MIB1: variants seen among roughly 807,000 people sequenced by gnomAD.
MIB1 encodes the protein MIB E3 ubiquitin protein ligase 1, also known as E3 ubiquitin-protein ligase MIB1.
Under a neutral mutation model 124.5 loss-of-function variants are expected in MIB1, and 278 were observed. The observed-to-expected ratio is 2.23, with a 90% CI of 2.02 to 2.47. The LOEUF (loss-of-function observed/expected upper bound fraction) is 2.47. MIB1 is among the 30% of genes most tolerant of loss of function. MIB1 has a pLI of 0.00. For missense variants in MIB1, 957 were observed against 1,254.4 expected, an observed-to-expected ratio of 0.76 and a Z score of 3.58; for synonymous variants, 446 against 429.4, an observed-to-expected ratio of 1.04 and a Z score of -0.48.
intron 1 of MIB1, among the ~76,000 whole-genome samples, chr18:21,747,495 T>C: frequency 6.6e-6 from 1 of 152,234 alleles, no homozygotes; most frequent in South Asian, 2.1e-4. Flanking sequence ...ACTAAGTGAC[T>C]ATTTGTCTAC....
upstream of MIB1, among the ~76,000 whole-genome samples, chr18:21,739,010 G>T (rs1333522389): frequency 6.6e-6 from 1 of 151,510 alleles, no homozygotes; most frequent in African/African-American, 2.4e-5. Context: ...CTGTTTTTTT[G>T]AAAAAGATCA....
chr18:21,768,576 G>A (rs1157924298), intron 2 of MIB1, 47 bp from the exon 3 acceptor site: 2 of 1,329,742 alleles, frequency 1.5e-6, no homozygotes, highest in South Asian at 1.4e-5. Flanking sequence ...GTAAATTATT[G>A]TTACCTATTT....
At chr18:21,779,714 T>C in intron 6 of MIB1, 29 bp downstream of exon 6, 1 of 1,566,518 alleles carries the variant, frequency 6.4e-7, no homozygotes, top group Non-Finnish European at 8.8e-7. Context: ...TTTTTGACAA[T>C]GACAAATAAA....
intron 13 of MIB1, among the ~76,000 whole-genome samples, chr18:21,839,921 A>G (rs2042067122): frequency 6.6e-6 from 1 of 152,178 alleles, no homozygotes; most frequent in Non-Finnish European, 1.5e-5. Flanking sequence ...TGGATGTGGT[A>G]GCACACCCCT....
At chr18:21,725,765 A>AGGAG (rs1303554976) in intron 1 of MIB1, among the ~76,000 whole-genome samples, 1 of 144,846 alleles carries the variant, frequency 6.9e-6, no homozygotes, top group African/African-American at 2.7e-5. Context: ...GAAGGAAGGA[A>AGGAG]GGAGGGAGGG....
chr18:21,770,719 T>A (rs2041215491), intron 3 of MIB1, among the ~76,000 whole-genome samples: 1 of 152,160 alleles, frequency 6.6e-6, no homozygotes, highest in Non-Finnish European at 1.5e-5. Flanking sequence ...ATTTGTTTTT[T>A]TGTTAAGCTC....
At chr18:21,808,705 A>G (rs529473871) in intron 10 of MIB1, among the ~76,000 whole-genome samples, 2 of 152,224 alleles carry the variant, frequency 1.3e-5, no homozygotes, top group East Asian at 3.9e-4. Context: ...TCTTTAACGT[A>G]TAGGTAAAGG....
chr18:21,716,154 A>G (rs2040688937), intron 1 of MIB1, among the ~76,000 whole-genome samples: 1 of 152,254 alleles, frequency 6.6e-6, no homozygotes, highest in Non-Finnish European at 1.5e-5. Flanking sequence ...TATCAGATTA[A>G]CAACAGATTT....
chr18:21,859,613 G>A (rs2042256785), intron 20 of MIB1, among the ~76,000 whole-genome samples: 1 of 151,958 alleles, frequency 6.6e-6, no homozygotes, highest in Non-Finnish European at 1.5e-5. Context: ...AAGGGGCCGG[G>A]CGTGGTGGCT....
rs570135671 is a variant in MIB1 at position 21,780,424 on chromosome 18, C to A, written c.908+739C>A. Among the ~76,000 whole-genome samples, 3 of 152,234 alleles carry A rather than the reference C, an allele frequency of 2.0e-5. No individual in the cohort carries two copies. The South Asian group carries it at 6.2e-4, about 32-fold the overall frequency. ...TTCCCAGCCTCTGGTAACCACCAAT[C>A]AACTTTCTATCTCCATGAGATCCAC... On this transcript the variant is annotated intron_variant, in intron 6 of 20. Transcript: ENST00000261537.
intron 1 of MIB1, among the ~76,000 whole-genome samples, chr18:21,723,160 T>A (rs2040722857): frequency 6.6e-6 from 1 of 152,222 alleles, no homozygotes; most frequent in South Asian, 2.1e-4. Context: ...AAAACTATAT[T>A]ATTTTGTTTT....
intron 12 of MIB1, among the ~76,000 whole-genome samples, chr18:21,835,824 C>CACACACACACAA (rs2042024390): frequency 1.6e-5 from 1 of 63,098 alleles, no homozygotes; most frequent in Non-Finnish European, 3.4e-5. Flanking sequence ...CACACACACA[C>CACACACACACAA]ACACACACAC....
intron 1 of MIB1, among the ~76,000 whole-genome samples, chr18:21,713,075 A>G (rs753328010): frequency 6.6e-6 from 1 of 152,102 alleles, no homozygotes; most frequent in Non-Finnish European, 1.5e-5. Context: ...CTCCCCACTC[A>G]GCCTCCTGAG....
chr18:21,806,633 T>A (rs552154759), intron 10 of MIB1, among the ~76,000 whole-genome samples: 119 of 151,802 alleles, frequency 7.8e-4, no homozygotes, highest in African/African-American at 2.7e-3. Context: ...TTGTTTTTTT[T>A]TTTTTGAGAC....
chr18:21,785,285 C>T (rs545137214), intron 6 of MIB1, among the ~76,000 whole-genome samples: 64 of 152,054 alleles, frequency 4.2e-4, no homozygotes, highest in African/African-American at 1.4e-3. Context: ...TACCGGTCTC[C>T]GCGTCTTGGT....
intron 15 of MIB1, 109 bp downstream of exon 15, chr18:21,844,362 T>A: frequency 1.7e-6 from 2 of 1,160,748 alleles, no homozygotes; most frequent in Admixed American, 2.5e-5. Context: ...TTATCAGAGC[T>A]ATGTACTTAG....
Position 21,857,118 on chromosome 18 carries a change from AC to A in MIB1, c.2666-10del. On this transcript the variant is annotated splice_polypyrimidine_tract_variant and intron_variant, in intron 18 of 20. Transcript: ENST00000261537. ...CTCTCTTGTAAGAAGTGTCTGTGTT[AC>A]CGTTTTCCAGACTGTGCTAACCTGA... The A allele has an allele frequency of 6.3e-7, 1 of 1,586,650 alleles. No individual in the cohort carries two copies. The highest frequency in any genetic ancestry group is 8.7e-7 in the Non-Finnish European group (1 of 1,155,126).
At chr18:21,845,303 C>G (rs1348049421) in intron 15 of MIB1, among the ~76,000 whole-genome samples, 1 of 152,168 alleles carries the variant, frequency 6.6e-6, no homozygotes. Context: ...AGCCACCACA[C>G]CCAGCCCTTT....
intron 1 of MIB1, among the ~76,000 whole-genome samples, chr18:21,722,005 T>C (rs1050222155): frequency 4.6e-5 from 7 of 152,320 alleles, no homozygotes; most frequent in African/African-American, 1.4e-4. Flanking sequence ...TTACTTGTCA[T>C]GTCTTCCTAG....
Sources: allele counts gnomAD v4.1 joint callset (sites outside exome capture counted in the v4.1 genomes callset), GRCh38; gene constraint gnomAD v4.1.1; transcripts MANE v1.5; gene names NCBI Gene and HGNC (gene_info 2026-07-23, HGNC 2026-07-21).